HECW1: variants seen among roughly 807,000 people sequenced by gnomAD.
The protein encoded by HECW1 is HECT, C2 and WW domain containing E3 ubiquitin protein ligase 1.
A neutral mutation model predicts 182.3 loss-of-function variants in HECW1; 61 were observed. The observed-to-expected ratio is 0.33, with a 90% CI of 0.27 to 0.41. HECW1 has a LOEUF of 0.41. Among genes scored for constraint, HECW1 ranks in the 10% least tolerant of loss-of-function variants. HECW1 has a pLI of 1.00. For synonymous variants in HECW1, 859 were observed against 832.6 expected, an observed-to-expected ratio of 1.03 and a Z score of -0.55; for missense variants, 1,739 against 2,108.9, an observed-to-expected ratio of 0.82 and a Z score of 3.44.
At chr7:43,336,608 A>G (rs936967258) in intron 5 of HECW1, among the ~76,000 whole-genome samples, 1 of 152,172 alleles carries the variant, frequency 6.6e-6, no homozygotes, top group African/African-American at 2.4e-5. Context: ...AGGGTATTAC[A>G]TGCATAATAA....
intron 3 of HECW1, among the ~76,000 whole-genome samples, chr7:43,285,370 A>G (rs1201427753): frequency 6.6e-6 from 1 of 152,188 alleles, no homozygotes; most frequent in East Asian, 1.9e-4. Flanking sequence ...CTATTTCAAC[A>G]TGCATCCCAG....
intron 2 of HECW1, among the ~76,000 whole-genome samples, chr7:43,154,552 A>T (rs1226711974): frequency 6.6e-6 from 1 of 152,112 alleles, no homozygotes; most frequent in African/African-American, 2.4e-5. Context: ...GAGCATTTGT[A>T]TTGTTCTTCT....
chr7:43,421,862 A>G (rs1471609864), intron 8 of HECW1, among the ~76,000 whole-genome samples: 1 of 152,148 alleles, frequency 6.6e-6, no homozygotes, highest in African/African-American at 2.4e-5. Context: ...ATCAGTTAGG[A>G]GACATTACAG....
At chr7:43,164,473 C>G (rs981667937) in intron 2 of HECW1, among the ~76,000 whole-genome samples, 13 of 152,180 alleles carry the variant, frequency 8.5e-5, no homozygotes, top group Non-Finnish European at 1.6e-4. Context: ...TCCTCTGGAT[C>G]GAGCCTTGAG....
At chr7:43,284,745 A>G (rs1804401876) in intron 3 of HECW1, among the ~76,000 whole-genome samples, 1 of 152,206 alleles carries the variant, frequency 6.6e-6, no homozygotes, top group Non-Finnish European at 1.5e-5. Context: ...TCTTAATAAA[A>G]TAATAACCTT....
At chr7:43,336,144 TTCTCTCTCTCTC>T (rs768468130) in intron 5 of HECW1, among the ~76,000 whole-genome samples, 1,661 of 51,430 alleles carry the variant, frequency 0.032, 15 homozygotes, top group East Asian at 0.12. Flanking sequence ...CTCTCTCTCT[TTCTCTCTCTCTC>T]TCTCTCTCTC....
At chr7:43,510,688 G>C (rs1006199059) in intron 24 of HECW1, among the ~76,000 whole-genome samples, 20 of 152,232 alleles carry the variant, frequency 1.3e-4, no homozygotes, top group African/African-American at 4.6e-4. Flanking sequence ...CTCTGTCCAA[G>C]TTAGGGGGTC....
At chr7:43,553,720 C>T (rs954220185) in intron 28 of HECW1, among the ~76,000 whole-genome samples, 8 of 150,702 alleles carry the variant, frequency 5.3e-5, no homozygotes, top group Non-Finnish European at 8.9e-5. Context: ...CCCCATAACA[C>T]CCCCCGGAAA....
At chr7:43,324,754 T>C (rs1009482741) in intron 5 of HECW1, among the ~76,000 whole-genome samples, 1 of 152,220 alleles carries the variant, frequency 6.6e-6, no homozygotes, top group African/African-American at 2.4e-5. Flanking sequence ...ATTTTAAACA[T>C]TGAAGTACAA....
At chr7:43,464,144 T>C (rs944569448) in intron 14 of HECW1, among the ~76,000 whole-genome samples, 1 of 152,230 alleles carries the variant, frequency 6.6e-6, no homozygotes, top group African/African-American at 2.4e-5. Context: ...CATTTATTGT[T>C]AAGTAAATGT....
intron 5 of HECW1, among the ~76,000 whole-genome samples, chr7:43,343,878 G>A (rs934826042): frequency 2.6e-5 from 4 of 151,766 alleles, no homozygotes; most frequent in African/African-American, 9.7e-5. Context: ...CACCAACAGT[G>A]TAAAAGCGTT....
intron 5 of HECW1, among the ~76,000 whole-genome samples, chr7:43,352,350 T>C (rs1814574819): frequency 6.6e-6 from 1 of 152,240 alleles, no homozygotes. Context: ...TCTTTGTTTA[T>C]CTGAAATTCA....
intron 2 of HECW1, among the ~76,000 whole-genome samples, chr7:43,176,921 C>A (rs954791830): frequency 4.6e-5 from 7 of 152,152 alleles, no homozygotes; most frequent in African/African-American, 1.7e-4. Flanking sequence ...AGTGCCTGTT[C>A]ATTTGCAGGC....
At chr7:43,114,926 G>T (rs958125229) in intron 2 of HECW1, among the ~76,000 whole-genome samples, 4 of 152,172 alleles carry the variant, frequency 2.6e-5, no homozygotes, top group African/African-American at 7.2e-5. Flanking sequence ...GGCTTTTAAA[G>T]ATGGATGTAT....
At chr7:43,322,040 A>G (rs975789728) in intron 5 of HECW1, among the ~76,000 whole-genome samples, 4 of 152,190 alleles carry the variant, frequency 2.6e-5, no homozygotes, top group Non-Finnish European at 5.9e-5. Context: ...TGTGTTTGAG[A>G]TAGGCATAAT....
intron 6 of HECW1, among the ~76,000 whole-genome samples, chr7:43,378,701 G>A (rs2074422120): frequency 6.6e-6 from 1 of 152,130 alleles, no homozygotes; most frequent in Admixed American, 6.5e-5. Flanking sequence ...AGCTACTCAG[G>A]AGGCTGAGGC....
chr7:43,222,047 G>T (rs143780762), intron 2 of HECW1, among the ~76,000 whole-genome samples: 2 of 152,294 alleles, frequency 1.3e-5, no homozygotes, highest in South Asian at 4.1e-4. Context: ...AACAAGATCT[G>T]CAGGCCATTC....
intron 3 of HECW1, among the ~76,000 whole-genome samples, chr7:43,280,076 G>A (rs1803693323): frequency 6.6e-6 from 1 of 152,186 alleles, no homozygotes; most frequent in African/African-American, 2.4e-5. Flanking sequence ...GGAGTGGTGA[G>A]TGAAGGGACC....
rs1040111773 is a variant in HECW1, at chr7:43,361,073, T to C, written c.555+93T>C. ...TTGTGCGTGCGTGTGTGTGTGTGTG[T>C]GTGTGTGTGTGTGTGTACGTGTACA... On this transcript the variant is annotated intron_variant, in intron 6 of 29. Coordinates refer to ENST00000395891, the MANE Select transcript of HECW1 (RefSeq NM_015052.5). 5 of 723,170 alleles carry C rather than the reference T, an allele frequency of 6.9e-6. 1 individual carries two copies. Among genetic ancestry groups the C allele is most frequent in the Non-Finnish European group, 9.6e-6 (4 of 417,646 alleles). The allele number at this position is 723,170 out of a possible 1,614,324, so 44.8% of individuals were successfully genotyped here.
Sources: allele counts gnomAD v4.1 joint callset (sites outside exome capture counted in the v4.1 genomes callset), GRCh38; gene constraint gnomAD v4.1.1; transcripts MANE v1.5; gene names NCBI Gene and HGNC (gene_info 2026-07-23, HGNC 2026-07-21).